GPHN: variants seen among roughly 807,000 people sequenced by gnomAD.
GPHN encodes the protein gephyrin.
In GPHN, 17 loss-of-function variants were observed where a neutral mutation model predicts 95.5. The observed-to-expected ratio is 0.18, with a 90% CI of 0.12 to 0.27. The LOEUF (loss-of-function observed/expected upper bound fraction) is 0.27, where lower values mean the gene tolerates loss of function less well. Ranked by LOEUF, GPHN falls within the 10% of genes least tolerant of loss-of-function variation. The pLI, the probability that GPHN is intolerant of heterozygous loss-of-function variation, is 1.00. For synonymous variants in GPHN, 320 were observed against 322.5 expected, an observed-to-expected ratio of 0.99 and a Z score of 0.08; for missense variants, 660 against 978.1, an observed-to-expected ratio of 0.67 and a Z score of 4.34.
the GPHN span, chr14:67,381,743 G>GGATCTTT: frequency 8.0e-7 from 1 of 1,257,354 alleles, no homozygotes; most frequent in Non-Finnish European, 1.1e-6. Flanking sequence ...AAACCAAATA[G>GGATCTTT]GATCTTTGAT....
At chr14:67,148,234 C>T (rs1055228697) in intron 18 of GPHN, among the ~76,000 whole-genome samples, 12 of 152,110 alleles carry the variant, frequency 7.9e-5, no homozygotes, top group African/African-American at 2.9e-4. Flanking sequence ...ATAAACAGCA[C>T]AAAAAGGCAA....
chr14:67,337,474 C>G, the GPHN span: 1 of 151,426 alleles, frequency 6.6e-6, no homozygotes, highest in Admixed American at 6.6e-5. Context: ...GTTGCTGCCA[C>G]TGCACTCTAG....
At chr14:66,996,724 G>A (rs2071826353) in intron 9 of GPHN, among the ~76,000 whole-genome samples, 1 of 151,934 alleles carries the variant, frequency 6.6e-6, no homozygotes, top group Non-Finnish European at 1.5e-5. Context: ...AATAAAAGAT[G>A]TATCCCTTTT....
the GPHN span, among the ~76,000 whole-genome samples, chr14:67,679,503 G>C: frequency 6.7e-6 from 1 of 149,640 alleles, no homozygotes; most frequent in Non-Finnish European, 1.5e-5. Context: ...TCCCAGGTTT[G>C]AGCAATTCTC....
At chr14:67,411,465 C>G in the GPHN span, among the ~76,000 whole-genome samples, 1 of 152,118 alleles carries the variant, frequency 6.6e-6, no homozygotes, top group Non-Finnish European at 1.5e-5. Context: ...TTGGGTCAAC[C>G]TGAGTGGGTC....
chr14:66,595,301 A>G (rs933563279), intron 1 of GPHN, among the ~76,000 whole-genome samples: 2 of 152,234 alleles, frequency 1.3e-5, no homozygotes, highest in Admixed American at 1.3e-4. Flanking sequence ...TATTTAGTGT[A>G]TGTCCAAAGG....
chr14:67,637,419 A>AAG, the GPHN span, among the ~76,000 whole-genome samples: 1 of 114,928 alleles, frequency 8.7e-6, no homozygotes, highest in South Asian at 2.6e-4. Context: ...TCAAAAAAAA[A>AAG]AAAAAAAAAA....
At chr14:67,340,412 T>C in the GPHN span, 2 of 1,592,432 alleles carry the variant, frequency 1.3e-6, no homozygotes, top group Non-Finnish European at 1.7e-6. Flanking sequence ...AAACAAAAGA[T>C]GATCAATAAC....
intron 1 of GPHN, among the ~76,000 whole-genome samples, chr14:66,567,351 T>A (rs1184291533): frequency 6.6e-6 from 1 of 152,164 alleles, no homozygotes; most frequent in African/African-American, 2.4e-5. Context: ...TAGATAAGGC[T>A]ATTTAATACT....
In GPHN at chr14:66,988,196, C is replaced by T. The variant is rs373321144; in HGVS notation, c.963+22871C>T. Among the ~76,000 whole-genome samples, 16 of 151,962 alleles carry T rather than the reference C, an allele frequency of 1.1e-4. No homozygotes were observed. In the East Asian group the frequency reaches 3.1e-3, roughly 29 times the overall value. On this transcript the variant is annotated intron_variant, in intron 9 of 22. Transcript: ENST00000478722. ...AGATTAAATTAGCAGGGTAGAGGACCCTAAAGCCACACTGACTAACATTGC... is the reference window on the plus strand; with the variant it reads ...AGATTAAATTAGCAGGGTAGAGGACTCTAAAGCCACACTGACTAACATTGC...
chr14:66,998,886 A>AT lies in GPHN; in HGVS notation c.964-24747_964-24746insT, dbSNP rs201002825. The stretch of plus-strand genomic sequence containing the variant: ...AGTTATGGTCCCTTTGTAAAAAAAA[A>AT]AAATATATATATATATATACACATA... On this transcript the variant is annotated intron_variant, in intron 9 of 22. Transcript: ENST00000478722. Among the ~76,000 whole-genome samples the AT allele has an allele frequency of 2.3e-3, 323 of 139,040 alleles. 1 individual carries two copies. The highest frequency in any genetic ancestry group is 2.6e-3 in the African/African-American group (89 of 34,186). 91.2% of individuals were successfully genotyped at this position (139,040 alleles called of 152,430 possible). A position where few individuals can be genotyped will look rare whatever the true frequency, so the allele number is the denominator to read the frequency against.
chr14:66,546,721 A>G (rs1299676308), intron 1 of GPHN, among the ~76,000 whole-genome samples: 1 of 145,118 alleles, frequency 6.9e-6, no homozygotes, highest in African/African-American at 2.5e-5. Context: ...AGATGGCAGC[A>G]GTACAGTCCA....
At chr14:67,359,350 G>C in the GPHN span, among the ~76,000 whole-genome samples, 4 of 152,172 alleles carry the variant, frequency 2.6e-5, no homozygotes, top group African/African-American at 4.8e-5. Context: ...TAAATCCAGT[G>C]CCCGGCTCAA....
chr14:66,845,853 GT>G (rs2062309296), intron 4 of GPHN, among the ~76,000 whole-genome samples: 1 of 151,336 alleles, frequency 6.6e-6, no homozygotes, highest in Non-Finnish European at 1.5e-5. Flanking sequence ...GTGTGTGTGT[GT>G]GTGTGTCTGT....
At chr14:66,519,513 A>AT (rs560574066) in intron 1 of GPHN, among the ~76,000 whole-genome samples, 345 of 151,828 alleles carry the variant, frequency 2.3e-3, no homozygotes, top group African/African-American at 7.7e-3. Flanking sequence ...TAAAATCCAT[A>AT]TTTTTTTTGC....
chr14:66,567,736 A>G (rs2060519078), intron 1 of GPHN, among the ~76,000 whole-genome samples: 1 of 152,160 alleles, frequency 6.6e-6, no homozygotes, highest in African/African-American at 2.4e-5. Flanking sequence ...TATATGCTCC[A>G]CTCAGTAACT....
the GPHN span, chr14:67,578,585 T>C: frequency 6.2e-7 from 1 of 1,612,258 alleles, no homozygotes; most frequent in African/African-American, 1.3e-5. This position sits in a 1 kb window ranked among gnomAD's most constrained non-coding sequence, Gnocchi z 5.0. Context: ...TCAGCATCAC[T>C]TCCTCTGGTA....
intron 18 of GPHN, among the ~76,000 whole-genome samples, chr14:67,144,286 T>TACACATATATATATATATATATATAC (rs2080764770): frequency 5.1e-5 from 4 of 78,124 alleles, no homozygotes; most frequent in East Asian, 5.8e-4. Flanking sequence ...TATATATATA[T>TACACATATATATATATATATATATAC]ACACACACAC....
At chr14:67,691,025 G>T in the GPHN span, 1 of 728,306 alleles carries the variant, frequency 1.4e-6, no homozygotes, top group Non-Finnish European at 2.5e-6. Flanking sequence ...ATGCACACAT[G>T]GTCTATTATG....
Sources: allele counts gnomAD v4.1 joint callset (sites outside exome capture counted in the v4.1 genomes callset), GRCh38; gene constraint gnomAD v4.1.1; non-coding constraint Gnocchi (gnomAD v3.1); transcripts MANE v1.5; gene names NCBI Gene and HGNC (gene_info 2026-07-23, HGNC 2026-07-21).